SNAPC1: variants seen among roughly 807,000 people sequenced by gnomAD.
The protein encoded by SNAPC1 is small nuclear RNA activating complex polypeptide 1, also known as snRNA-activating protein complex subunit 1.
A neutral mutation model predicts 50.1 loss-of-function variants in SNAPC1; 42 were observed. That is an observed-to-expected ratio of 0.84 (90% CI 0.65 to 1.08). The LOEUF is 1.08. SNAPC1 is among the 50% of genes least tolerant of loss of function. The probability of loss-of-function intolerance (pLI) is 0.00; values close to 1 mark genes in which losing one functional copy is unlikely to be tolerated. For missense variants in SNAPC1, 477 were observed against 427.3 expected (o/e 1.12, Z -1.02); for synonymous variants, 164 against 144.2 (o/e 1.14, Z -0.98).
chr14:61,765,625 C>G (rs939293093), intron 1 of SNAPC1, among the ~76,000 whole-genome samples: 4 of 152,286 alleles, frequency 2.6e-5, no homozygotes, highest in South Asian at 4.2e-4. Context: ...ATGCATCTAT[C>G]TCAGTGAGCC....
rs1270883879 is a variant in SNAPC1, at chr14:61,767,218, G to C, written c.295G>C (p.Val99Leu). 2.0e-6 allele frequency: 3 copies of C among 1,473,772 alleles called. No individual in the cohort carries two copies. Among genetic ancestry groups the C allele is most frequent in the Non-Finnish European group, 2.7e-6 (3 of 1,109,228 alleles). 91.3% of individuals were successfully genotyped at this position (1,473,772 alleles called of 1,614,324 possible). A position where few individuals can be genotyped will look rare whatever the true frequency, so the allele number is the denominator to read the frequency against. ...TTTTTCTTCCTGGTTGCAGATCAGA[G>C]TTGCCCTGAAGGATTGGGATGAAGT... is the stretch of plus-strand genomic sequence containing the variant. Reference protein sequence around the residue: ...QLCQPKQKIRVALKDWDEVLK... With the variant: ...QLCQPKQKIRLALKDWDEVLK... Residue 99 changes from valine to leucine, a missense_variant, in exon 3 of 10, where the codon GTT becomes CTT. Physicochemically the swap from Val to Leu is conservative, Grantham distance 32. Coordinates refer to ENST00000216294, the MANE Select transcript of SNAPC1 (RefSeq NM_003082.4).
rs373394960 is a variant in SNAPC1, at chr14:61,772,271, G to A, written c.534+3531G>A. Among the ~76,000 whole-genome samples the A allele has an allele frequency of 8.6e-5, 13 of 151,790 alleles. No individual in the cohort carries two copies. In the East Asian group the frequency reaches 2.1e-3, roughly 25 times the overall value. Reference sequence around the variant, plus strand: ...GCTGGCTAATTTTTTTTTCCGAGACGGTGTCTTGCTCTGTGTCCCAGGCTG... The same window carrying A: ...GCTGGCTAATTTTTTTTTCCGAGACAGTGTCTTGCTCTGTGTCCCAGGCTG... On this transcript the variant is annotated intron_variant, in intron 4 of 9. Coordinates refer to ENST00000216294, the MANE Select transcript of SNAPC1 (RefSeq NM_003082.4).
chr14:61,774,880 C>G (rs1594646248), intron 4 of SNAPC1, among the ~76,000 whole-genome samples: 1 of 151,956 alleles, frequency 6.6e-6, no homozygotes, highest in African/African-American at 2.4e-5. Flanking sequence ...TCTGGCTGGT[C>G]TCGAACTCCA....
chr14:61,769,837 T>C (rs1421303303), intron 4 of SNAPC1, among the ~76,000 whole-genome samples: 1 of 152,206 alleles, frequency 6.6e-6, no homozygotes, highest in East Asian at 1.9e-4. Context: ...TACAAATCTT[T>C]TTAAGCATGA....
At chr14:61,763,030 G>T (rs1029860773) in intron 1 of SNAPC1, among the ~76,000 whole-genome samples, 37 of 99,582 alleles carry the variant, frequency 3.7e-4, no homozygotes, top group African/African-American at 1.4e-3. Context: ...TCCTTTTGTC[G>T]CCCAGGCTGG....
At chr14:61,770,543 C>T (rs1015777322) in intron 4 of SNAPC1, among the ~76,000 whole-genome samples, 8 of 152,012 alleles carry the variant, frequency 5.3e-5, no homozygotes, top group African/African-American at 1.2e-4. Context: ...TGTGCCCGGT[C>T]GCCCCCACGT....
At chr14:61,794,314 AG>A (rs1269855734) in intron 9 of SNAPC1, among the ~76,000 whole-genome samples, 1 of 152,210 alleles carries the variant, frequency 6.6e-6, no homozygotes, top group Non-Finnish European at 1.5e-5. Context: ...AGAATGACTA[AG>A]GGCCACTATC....
At chr14:61,763,642 A>G (rs1426266390) in intron 1 of SNAPC1, among the ~76,000 whole-genome samples, 1 of 152,058 alleles carries the variant, frequency 6.6e-6, no homozygotes, top group African/African-American at 2.4e-5. Flanking sequence ...TTCTAGACTG[A>G]GTACGCTGTT....
intron 4 of SNAPC1, among the ~76,000 whole-genome samples, chr14:61,773,833 G>A (rs1219281518): frequency 2.6e-5 from 4 of 151,066 alleles, no homozygotes; most frequent in Admixed American, 6.6e-5. Flanking sequence ...TCCGCCTCCC[G>A]AGTAGCTCGG....
At chr14:61,774,449 T>C (rs898575835) in intron 4 of SNAPC1, among the ~76,000 whole-genome samples, 1 of 152,166 alleles carries the variant, frequency 6.6e-6, no homozygotes, top group African/African-American at 2.4e-5. Flanking sequence ...CCCATTGTCA[T>C]CCATTGAGCA....
chr14:61,766,132 A>G (rs1184422506), intron 1 of SNAPC1, among the ~76,000 whole-genome samples: 2 of 152,250 alleles, frequency 1.3e-5, no homozygotes, highest in Non-Finnish European at 2.9e-5. Flanking sequence ...TAGCTGTAAT[A>G]AAGAAATCAG....
intron 1 of SNAPC1, among the ~76,000 whole-genome samples, chr14:61,765,771 A>G (rs2044942997): frequency 2.0e-5 from 3 of 152,184 alleles, no homozygotes; most frequent in Admixed American, 6.5e-5. Context: ...ATTGATTGCC[A>G]ACAAAGCCTT....
chr14:61,765,921 C>G (rs1034777587), intron 1 of SNAPC1, among the ~76,000 whole-genome samples: 16 of 152,172 alleles, frequency 1.1e-4, no homozygotes, highest in African/African-American at 3.6e-4. Context: ...GTTTCTCTAT[C>G]TTTTTCGCCT....
chr14:61,770,342 A>T, intron 4 of SNAPC1, among the ~76,000 whole-genome samples: 1 of 150,576 alleles, frequency 6.6e-6, no homozygotes, highest in South Asian at 2.1e-4. Context: ...TCCTAGTTTC[A>T]AGTGATTCTT....
intron 8 of SNAPC1, among the ~76,000 whole-genome samples, chr14:61,784,289 T>C (rs2045099316): frequency 6.6e-6 from 1 of 152,214 alleles, no homozygotes; most frequent in African/African-American, 2.4e-5. Flanking sequence ...AAGTCACATG[T>C]ATCAAAAATA....
rs761807868 is a variant in SNAPC1, at chr14:61,778,065, CTT to C, written c.694-4_694-3del. Reference sequence around the variant, plus strand: ...TATGTGTGTATGTATCTTTTTTGCTCTTTTAGAATCCATCCTTAAAGTCAAAA... The same window carrying C: ...TATGTGTGTATGTATCTTTTTTGCTCTTAGAATCCATCCTTAAAGTCAAAA... On this transcript the variant is annotated splice_region_variant and splice_polypyrimidine_tract_variant and intron_variant, in intron 5 of 9. Coordinates refer to ENST00000216294, the MANE Select transcript of SNAPC1 (RefSeq NM_003082.4). 5 of 1,532,824 alleles carry C rather than the reference CTT, an allele frequency of 3.3e-6. No homozygotes were observed. The Admixed American group carries it at 5.6e-5, about 17-fold the overall frequency. The allele number at this position is 1,532,824 out of a possible 1,614,324, so 95.0% of individuals were successfully genotyped here.
In SNAPC1 at chr14:61,794,563, G is replaced by A. The variant is rs144558517; in HGVS notation, c.1073-386G>A. ...TGGTACTATAGACATGTACCACCACGCCCGGCTAATTTTTTGTATTTATTT... is the reference window on the plus strand; with the variant it reads ...TGGTACTATAGACATGTACCACCACACCCGGCTAATTTTTTGTATTTATTT... On this transcript the variant is annotated intron_variant, in intron 9 of 9. Transcript: ENST00000216294. 4.4e-3 allele frequency among the ~76,000 whole-genome samples: 673 copies of A among 152,094 alleles called. 4 individuals are homozygous for A. The highest frequency in any genetic ancestry group is 0.015 in the African/African-American group (630 of 41,498).
At chr14:61,778,819 C>CT (rs762590103) in intron 6 of SNAPC1, 29 bp from the exon 7 acceptor site, 69 of 1,436,976 alleles carry the variant, frequency 4.8e-5, no homozygotes, top group Non-Finnish European at 5.3e-5. Flanking sequence ...TGTGTTTTAA[C>CT]TTTTTTTTCC....
intron 4 of SNAPC1, among the ~76,000 whole-genome samples, chr14:61,769,758 A>G (rs1415022429): frequency 6.6e-6 from 1 of 152,144 alleles, no homozygotes; most frequent in Admixed American, 6.6e-5. Flanking sequence ...GTCTATTTTG[A>G]TAATATATTT....
Sources: allele counts gnomAD v4.1 joint callset (sites outside exome capture counted in the v4.1 genomes callset), GRCh38; gene constraint gnomAD v4.1.1; transcripts MANE v1.5; gene names NCBI Gene and HGNC (gene_info 2026-07-23, HGNC 2026-07-21).